PRKN: variants seen among roughly 807,000 people sequenced by gnomAD.
PRKN encodes parkin RBR E3 ubiquitin protein ligase, also known as E3 ubiquitin-protein ligase parkin.
In PRKN, 56 loss-of-function variants were observed where a neutral mutation model predicts 59.5. The ratio of observed to expected loss-of-function variants is 0.94; its 90% confidence interval spans 0.76 to 1.18. The LOEUF is 1.18. PRKN is among the 50% of genes most tolerant of loss of function. PRKN has a pLI of 0.00. For synonymous variants in PRKN, 250 were observed against 222.1 expected, an observed-to-expected ratio of 1.13 and a Z score of -1.12; for missense variants, 657 against 596.4, an observed-to-expected ratio of 1.10 and a Z score of -1.06.
At chr6:162,270,467 A>T (rs1178381564) in intron 2 of PRKN, among the ~76,000 whole-genome samples, 1 of 152,184 alleles carries the variant, frequency 6.6e-6, no homozygotes, top group Non-Finnish European at 1.5e-5. Context: ...CCACTAACTA[A>T]CTTACGTAAA....
intron 6 of PRKN, among the ~76,000 whole-genome samples, chr6:161,812,618 A>G (rs988744808): frequency 2.0e-5 from 3 of 152,206 alleles, no homozygotes; most frequent in African/African-American, 7.2e-5. Context: ...AGAATGTCAA[A>G]TGTGCACATG....
rs937616060 is a variant in PRKN, at chr6:162,056,689, G to T, written c.535-2515C>A. ...GTCCACATCATTCCCTTACTGCTAC[G>T]GGTGGTGTGCAGAGCCTGAACTGTC... On this transcript the variant is annotated intron_variant, in intron 4 of 11. Transcript: ENST00000366898. This position sits in a 1 kb window ranked among gnomAD's most constrained non-coding sequence, Gnocchi z 4.9. Among the ~76,000 whole-genome samples, 2 of 152,146 alleles carry T rather than the reference G, an allele frequency of 1.3e-5. No homozygotes were observed. Among genetic ancestry groups the T allele is most frequent in the Admixed American group, 1.3e-4 (2 of 15,274 alleles).
chr6:162,190,523 C>T (rs113489750), intron 4 of PRKN, among the ~76,000 whole-genome samples: 9 of 152,178 alleles, frequency 5.9e-5, no homozygotes, highest in African/African-American at 1.4e-4. Context: ...GTTTCTTTCT[C>T]GCCGGGTGAC....
At chr6:162,377,396 C>T (rs1786174389) in intron 2 of PRKN, among the ~76,000 whole-genome samples, 2 of 152,324 alleles carry the variant, frequency 1.3e-5, no homozygotes, top group South Asian at 4.1e-4. Flanking sequence ...CACCACAGCT[C>T]TTCTCATGGT....
At chr6:162,433,103 T>C (rs755680040) in intron 2 of PRKN, among the ~76,000 whole-genome samples, 107 of 152,318 alleles carry the variant, frequency 7.0e-4, no homozygotes, top group Middle Eastern at 3.4e-3. Flanking sequence ...GTGGGATGAA[T>C]TTACTGCGCA....
intron 1 of PRKN, among the ~76,000 whole-genome samples, chr6:162,474,183 C>T (rs1791892411): frequency 1.3e-5 from 2 of 152,092 alleles, no homozygotes; most frequent in Admixed American, 1.3e-4. Context: ...GTACCATAGG[C>T]AGAATATCCA....
intron 7 of PRKN, among the ~76,000 whole-genome samples, chr6:161,689,374 T>C (rs1785690599): frequency 6.6e-6 from 1 of 152,202 alleles, no homozygotes. Context: ...TGATTAACCT[T>C]AACACACACA....
At chr6:161,716,916 A>G (rs1210369581) in intron 7 of PRKN, among the ~76,000 whole-genome samples, 1 of 152,188 alleles carries the variant, frequency 6.6e-6, no homozygotes, top group African/African-American at 2.4e-5. Flanking sequence ...GAAAGACAAG[A>G]TGAGCCTGGT....
rs114786009 is a variant in PRKN, at chr6:162,724,870, G to C, written c.7+2792C>G. ...GGTCATAAAAAGCCTGAGTAGGCCT[G>C]AACTACAGCTGCCTGGGCACCACAG... On this transcript the variant is annotated intron_variant, in intron 1 of 11. Coordinates refer to ENST00000366898, the MANE Select transcript of PRKN (RefSeq NM_004562.3). 8.4e-3 allele frequency among the ~76,000 whole-genome samples: 1,287 copies of C among 152,322 alleles called. 20 individuals are homozygous for C. The highest frequency in any genetic ancestry group is 0.029 in the African/African-American group (1,220 of 41,562).
intron 2 of PRKN, among the ~76,000 whole-genome samples, chr6:162,370,193 T>G (rs1785677029): frequency 6.6e-6 from 1 of 152,234 alleles, no homozygotes; most frequent in South Asian, 2.1e-4. Context: ...TCTCGTTTTC[T>G]CATGCCTGCT....
intron 2 of PRKN, among the ~76,000 whole-genome samples, chr6:162,280,006 T>G (rs551314667): frequency 2.6e-5 from 4 of 152,190 alleles, no homozygotes; most frequent in Non-Finnish European, 5.9e-5. Context: ...TCCTTTTTTT[T>G]TGCATTCCAT....
At chr6:161,854,196 A>C (rs1450835100) in intron 6 of PRKN, among the ~76,000 whole-genome samples, 2 of 152,030 alleles carry the variant, frequency 1.3e-5, no homozygotes. Flanking sequence ...TGGAAGTTGC[A>C]GTGAGCCGAG....
intron 1 of PRKN, among the ~76,000 whole-genome samples, chr6:162,717,833 G>A (rs1289036036): frequency 6.6e-6 from 1 of 152,146 alleles, no homozygotes; most frequent in Non-Finnish European, 1.5e-5. Flanking sequence ...AAATTTATCT[G>A]ACATAATTTG....
intron 6 of PRKN, among the ~76,000 whole-genome samples, chr6:161,818,572 G>A (rs988750240): frequency 2.0e-5 from 3 of 151,910 alleles, no homozygotes; most frequent in East Asian, 3.9e-4. Flanking sequence ...GGACTAAAGC[G>A]ATCCTCCTGC....
chr6:161,928,151 G>A (rs1779035249), intron 6 of PRKN, among the ~76,000 whole-genome samples: 1 of 152,206 alleles, frequency 6.6e-6, no homozygotes, highest in African/African-American at 2.4e-5. Flanking sequence ...ACCCAGAAGA[G>A]AGCTCTCAGC....
At chr6:162,652,535 A>G (rs1778483691) in intron 1 of PRKN, among the ~76,000 whole-genome samples, 2 of 152,198 alleles carry the variant, frequency 1.3e-5, no homozygotes, top group Non-Finnish European at 2.9e-5. Flanking sequence ...TAGTTTAAAT[A>G]TACCTGAAGT....
intron 2 of PRKN, among the ~76,000 whole-genome samples, chr6:162,318,948 T>A (rs756424927): frequency 1.3e-5 from 2 of 152,014 alleles, no homozygotes; most frequent in Non-Finnish European, 2.9e-5. Context: ...GAAGCACTTG[T>A]CACAAAAGAA....
At chr6:162,646,987 T>C (rs139071824) in intron 1 of PRKN, among the ~76,000 whole-genome samples, 6 of 152,152 alleles carry the variant, frequency 3.9e-5, no homozygotes, top group African/African-American at 1.4e-4. Context: ...AAATGGCTCA[T>C]AAGTCCACAG....
intron 7 of PRKN, among the ~76,000 whole-genome samples, chr6:161,728,834 G>A (rs1453919827): frequency 1.3e-5 from 2 of 152,100 alleles, no homozygotes; most frequent in Non-Finnish European, 2.9e-5. Flanking sequence ...CCAGGCAGGA[G>A]CCTAATAGCA....
Sources: allele counts gnomAD v4.1 joint callset (sites outside exome capture counted in the v4.1 genomes callset), GRCh38; gene constraint gnomAD v4.1.1; non-coding constraint Gnocchi (gnomAD v3.1); transcripts MANE v1.5; gene names NCBI Gene and HGNC (gene_info 2026-07-23, HGNC 2026-07-21).